Variants in FAM222B observed in about 807,000 individuals in gnomAD.
FAM222B encodes family with sequence similarity 222 member B, also known as protein FAM222B.
A neutral mutation model predicts 38.0 loss-of-function variants in FAM222B; 12 were observed. The ratio of observed to expected loss-of-function variants is 0.32; its 90% CI spans 0.20 to 0.51. FAM222B has a LOEUF of 0.51. Ranked by LOEUF, FAM222B falls within the 20% of genes least tolerant of loss-of-function variation. FAM222B has a pLI of 0.97. For synonymous variants in FAM222B, 329 were observed against 317.2 expected, an observed-to-expected ratio of 1.04 and a Z score of -0.40; for missense variants, 716 against 754.2, an observed-to-expected ratio of 0.95 and a Z score of 0.59.
intron 1 of FAM222B, among the ~76,000 whole-genome samples, chr17:28,850,536 G>A (rs2039173863): frequency 6.6e-6 from 1 of 152,074 alleles, no homozygotes; most frequent in South Asian, 2.1e-4. Flanking sequence ...CTGACCTTGT[G>A]ATCCGCCCAC....
At chr17:28,774,812 C>T (rs1233595533) in intron 1 of FAM222B, among the ~76,000 whole-genome samples, 1 of 151,704 alleles carries the variant, frequency 6.6e-6, no homozygotes, top group East Asian at 2.0e-4. Flanking sequence ...CATGGTGGCA[C>T]ACACCTGTAA....
At position 28,756,656 on chromosome 17, in the gene FAM222B, C is replaced by G. The variant is rs555508475; in HGVS notation, c.*1614G>C. On this transcript the variant is annotated 3_prime_UTR_variant, in exon 3 of 3. Transcript: ENST00000581407. ...ACAGGGAGGTACCAGTGTTCACAGACGGCAGGAAAACAATTGGGAACAATA... is the reference window on the plus strand; with the variant it reads ...ACAGGGAGGTACCAGTGTTCACAGAGGGCAGGAAAACAATTGGGAACAATA... 1 of 152,080 alleles carries G rather than the reference C, an allele frequency of 6.6e-6. No homozygotes were observed. Among genetic ancestry groups the G allele is most frequent in the South Asian group, 2.1e-4 (1 of 4,804 alleles). 9.4% of individuals were successfully genotyped at this position (152,080 alleles called of 1,614,324 possible). A position where few individuals can be genotyped will look rare whatever the true frequency, so the allele number is the denominator to read the frequency against.
chr17:28,811,195 C>T (rs886913026), intron 1 of FAM222B, among the ~76,000 whole-genome samples: 2 of 152,188 alleles, frequency 1.3e-5, no homozygotes, highest in Non-Finnish European at 2.9e-5. Flanking sequence ...AATCCCAGCA[C>T]TTTGGGAGGC....
chr17:28,811,365 T>C (rs1474209346), intron 1 of FAM222B, among the ~76,000 whole-genome samples: 1 of 152,052 alleles, frequency 6.6e-6, no homozygotes, highest in South Asian at 2.1e-4. Context: ...GCTTGAACCC[T>C]GGAGGCAGAG....
At chr17:28,809,109 T>C (rs763913815) in intron 1 of FAM222B, among the ~76,000 whole-genome samples, 14 of 152,110 alleles carry the variant, frequency 9.2e-5, no homozygotes, top group Non-Finnish European at 1.5e-4. Flanking sequence ...ATCCCAGCAC[T>C]GTGGAAGGCC....
chr17:28,832,006 G>A (rs2038684602), intron 1 of FAM222B, among the ~76,000 whole-genome samples: 1 of 152,018 alleles, frequency 6.6e-6, no homozygotes, highest in Non-Finnish European at 1.5e-5. Flanking sequence ...TGGCTAACAC[G>A]GTGAAACCCC....
chr17:28,776,270 G>A (rs369209359), intron 1 of FAM222B, among the ~76,000 whole-genome samples: 15 of 150,278 alleles, frequency 1.0e-4, no homozygotes, highest in Non-Finnish European at 2.1e-4. Context: ...CCAGCTACTC[G>A]GGAGGCTGAG....
chr17:28,786,875 A>G (rs2036433156), intron 1 of FAM222B, among the ~76,000 whole-genome samples: 1 of 150,202 alleles, frequency 6.7e-6, no homozygotes. Flanking sequence ...CTTATAGCTA[A>G]CACACTGCCC....
chr17:28,848,906 C>G (rs1232047812), intron 1 of FAM222B: 1 of 152,202 alleles, frequency 6.6e-6, no homozygotes, highest in Non-Finnish European at 1.5e-5. Context: ...GACTGGGCCA[C>G]CAGCCCATAC....
intron 1 of FAM222B, among the ~76,000 whole-genome samples, chr17:28,832,152 T>C (rs555376449): frequency 1.3e-5 from 2 of 151,976 alleles, no homozygotes; most frequent in Non-Finnish European, 2.9e-5. Flanking sequence ...ATCGCGCCAC[T>C]GCACTCCAGC....
intron 1 of FAM222B, among the ~76,000 whole-genome samples, chr17:28,792,964 C>A: frequency 6.6e-6 from 1 of 151,730 alleles, no homozygotes; most frequent in East Asian, 1.9e-4. Context: ...GTTGTCCAGG[C>A]TTCATTCAGT....
chr17:28,781,851 T>G (rs1364083888), intron 1 of FAM222B, among the ~76,000 whole-genome samples: 2 of 152,114 alleles, frequency 1.3e-5, no homozygotes, highest in African/African-American at 4.8e-5. Context: ...AGCAGAGAGA[T>G]AATGGGCTGA....
chr17:28,756,686 A>T lies in FAM222B; in HGVS notation c.*1584T>A, dbSNP rs1376673726. On this transcript the variant is annotated 3_prime_UTR_variant, in exon 3 of 3. Coordinates refer to ENST00000581407, the MANE Select transcript of FAM222B (RefSeq NM_001077498.3). ...GGAAAACAATTGGGAACAATAAATT[A>T]GGACTTCATGTTGCTATCATTTGGC... 6.6e-6 allele frequency: 1 copy of T among 152,362 alleles called. No individual in the cohort carries two copies. Among genetic ancestry groups the T allele is most frequent in the African/African-American group, 2.4e-5 (1 of 41,344 alleles). The allele number at this position is 152,362 out of a possible 1,614,324, so 9.4% of individuals were successfully genotyped here.
intron 1 of FAM222B, among the ~76,000 whole-genome samples, chr17:28,853,117 C>T (rs757384400): frequency 1.3e-5 from 2 of 150,266 alleles, no homozygotes; most frequent in Non-Finnish European, 2.9e-5. Context: ...CACTTCAACC[C>T]GGGAAGTAGA....
chr17:28,809,610 A>ATCGGG (rs2037649487), intron 1 of FAM222B, among the ~76,000 whole-genome samples: 1 of 152,172 alleles, frequency 6.6e-6, no homozygotes, highest in African/African-American at 2.4e-5. Flanking sequence ...GTCTCCTGGG[A>ATCGGG]AAATTCTTTC....
intron 1 of FAM222B, among the ~76,000 whole-genome samples, chr17:28,771,118 C>G (rs2035612342): frequency 6.6e-6 from 1 of 151,300 alleles, no homozygotes; most frequent in Non-Finnish European, 1.5e-5. Context: ...ACTGCTAAAT[C>G]CAAGGTCAGA....
intron 1 of FAM222B, among the ~76,000 whole-genome samples, chr17:28,833,931 T>C (rs879543101): frequency 6.6e-6 from 1 of 152,142 alleles, no homozygotes; most frequent in Non-Finnish European, 1.5e-5. Flanking sequence ...AAATCAAACT[T>C]ATTTCCTTCA....
At chr17:28,816,165 T>G (rs2038015233) in intron 1 of FAM222B, among the ~76,000 whole-genome samples, 1 of 151,370 alleles carries the variant, frequency 6.6e-6, no homozygotes, top group Non-Finnish European at 1.5e-5. Context: ...TAATCCCAGC[T>G]ACTCGGGAGG....
intron 1 of FAM222B, chr17:28,849,337 C>T (rs927058691): frequency 6.6e-6 from 1 of 152,192 alleles, no homozygotes; most frequent in Non-Finnish European, 1.5e-5. Flanking sequence ...TCTTCGGACC[C>T]GGGGCCATGG....
Sources: allele counts gnomAD v4.1 joint callset (sites outside exome capture counted in the v4.1 genomes callset), GRCh38; gene constraint gnomAD v4.1.1; transcripts MANE v1.5; gene names NCBI Gene and HGNC (gene_info 2026-07-23, HGNC 2026-07-21).